The following B3GALT2 variants were observed in gnomAD, a reference collection of about 807,000 sequenced individuals.
B3GALT2 encodes UDP-Gal:betaGlcNAc beta 1,3-galactosyltransferase, polypeptide 2.
B3GALT2 carries 13 observed loss-of-function variants against 33.5 expected under a neutral mutation model. That is an observed-to-expected ratio of 0.39 (90% CI 0.25 to 0.62). The LOEUF is 0.62. Among genes scored for constraint, B3GALT2 ranks in the 20% least tolerant of loss-of-function variants. The pLI, the probability that B3GALT2 is intolerant of heterozygous loss-of-function variation, is 0.53. For synonymous variants in B3GALT2, 195 were observed against 172.7 expected (o/e 1.13, Z -1.01); for missense variants, 418 against 509.1 (o/e 0.82, Z 1.72).
chr1:193,185,989 A>G (rs1676799620), intron 1 of B3GALT2, 30 bp downstream of exon 1: 1 of 152,244 alleles, frequency 6.6e-6, no homozygotes, highest in Admixed American at 6.6e-5. Context: ...ACACATTTAA[A>G]TGACTATCAT....
At position 193,181,297 on chromosome 1, in the gene B3GALT2, T is replaced by C. The variant is rs201995399; in HGVS notation, c.266A>G (p.Gln89Arg). ...LRNIWKETVP[Q>R]TLRPQTATNS... ...AGTTGCTGTTTGAGGCCTCAGGGTT[T>C]GAGGGACTGTTTCTTTCCAAATGTT... The change falls in exon 2 of 2, where the codon CAA (glutamine) becomes CGA (arginine). Residue 89 changes from glutamine to arginine, a missense_variant. By Grantham distance (43) the Gln-to-Arg change is conservative (BLOSUM62 1). Around this residue, in one of 3 missense-constraint regions of B3GALT2, gnomAD observed 188 missense variants for 197.5 expected, o/e 0.95. Coordinates refer to ENST00000367434, the MANE Select transcript of B3GALT2 (RefSeq NM_003783.3). The C allele has an allele frequency of 2.7e-5, 43 of 1,613,978 alleles. No homozygotes were observed. Among genetic ancestry groups the C allele is most frequent in the Non-Finnish European group, 3.6e-5 (42 of 1,179,972 alleles).
In B3GALT2 at chr1:193,180,340, G is replaced by T. The variant is rs1400899953; in HGVS notation, c.1223C>A (p.Ala408Glu). 3 of 1,598,680 alleles carry T rather than the reference G, an allele frequency of 1.9e-6. No individual in the cohort carries two copies. Among genetic ancestry groups the T allele is most frequent in the Admixed American group, 1.7e-5 (1 of 57,912 alleles). The change falls in exon 2 of 2, where the codon GCA (alanine) becomes GAA (glutamate). Residue 408 changes from alanine (A) to glutamate (E), a missense_variant. Ala to Glu is a moderately radical substitution (Grantham distance 107). Transcript: ENST00000367434. The stretch of plus-strand genomic sequence containing the variant: ...ATACCTGCCTGCCTTTTCTTTTGCT[G>T]CGTTGGCACAGGCATTGTGCTTATT... ...QQNKHNACANAAKEKAGRYRH... is the reference protein window; with the variant it reads ...QQNKHNACANEAKEKAGRYRH...
rs185327319 is a variant in B3GALT2, at chr1:193,180,047, G to T, written c.*247C>A. 369 of 305,230 alleles carry T rather than the reference G, an allele frequency of 1.2e-3. 2 individuals are homozygous for T. Among genetic ancestry groups the T allele is most frequent in the African/African-American group, 7.5e-3 (349 of 46,474 alleles). The allele number at this position is 305,230 out of a possible 1,614,324, so 18.9% of individuals were successfully genotyped here. ...TTGAACCATTGATTTATGCATGCTTGTTATTGCATGTTAATACACAGAATC... is the reference window on the plus strand; with the variant it reads ...TTGAACCATTGATTTATGCATGCTTTTTATTGCATGTTAATACACAGAATC... On this transcript the variant is annotated 3_prime_UTR_variant, in exon 2 of 2. Transcript: ENST00000367434.
At position 193,180,522 on chromosome 1, in the gene B3GALT2, A is replaced by G. The variant is rs576560774; in HGVS notation, c.1041T>C (p.Cys347=). Residue 347 remains cysteine (C), a synonymous_variant, in exon 2 of 2, where the codon TGT becomes TGC. Transcript: ENST00000367434. ...CAGGATCAATTCTCAACTTGGCAAG[A>G]CAGATCCCTACATATACATCTTCCA... ...LHLEDVYVGI[C]LAKLRIDPVP... 176 of 1,614,114 alleles carry G rather than the reference A, an allele frequency of 1.1e-4. 2 individuals carry two copies. The South Asian group carries it at 1.8e-3, about 17-fold the overall frequency.
rs1397080529 is a variant in B3GALT2, at chr1:193,181,660, A to G, written c.-98T>C. ...TTGGCAATCATTTTCTAATTCAGTCACATTGTCTCTCTTGTAGTCATTCTA... is the reference window on the plus strand; with the variant it reads ...TTGGCAATCATTTTCTAATTCAGTCGCATTGTCTCTCTTGTAGTCATTCTA... On this transcript the variant is annotated 5_prime_UTR_variant, in exon 2 of 2. It removes the in-frame stop codon of an upstream open reading frame in the 5' UTR. Transcript: ENST00000367434. 1 of 1,142,246 alleles carries G rather than the reference A, an allele frequency of 8.8e-7. No homozygotes were observed. The highest frequency in any genetic ancestry group is 1.6e-5 in the African/African-American group (1 of 63,944). The allele number at this position is 1,142,246 out of a possible 1,614,324, so 70.8% of individuals were successfully genotyped here. A position where few individuals can be genotyped will look rare whatever the true frequency, so the allele number is the denominator to read the frequency against.
chr1:193,182,264 A>G (rs1431165697), intron 1 of B3GALT2, among the ~76,000 whole-genome samples: 1 of 152,104 alleles, frequency 6.6e-6, no homozygotes, highest in Non-Finnish European at 1.5e-5. Flanking sequence ...GTCAAAATTA[A>G]TTTTCAGGGT....
Position 193,179,272 on chromosome 1 carries a change from G to T in B3GALT2, c.*1022C>A, listed in dbSNP as rs1363684292. 1 of 152,160 alleles carries T rather than the reference G, an allele frequency of 6.6e-6. No individual in the cohort carries two copies. Among genetic ancestry groups the T allele is most frequent in the Non-Finnish European group, 1.5e-5 (1 of 68,012 alleles). 9.4% of individuals were successfully genotyped at this position (152,160 alleles called of 1,614,324 possible). A position where few individuals can be genotyped will look rare whatever the true frequency, so the allele number is the denominator to read the frequency against. On this transcript the variant is annotated 3_prime_UTR_variant, in exon 2 of 2. Coordinates refer to ENST00000367434, the MANE Select transcript of B3GALT2 (RefSeq NM_003783.3). ...GGTGCCATAAAATGATTAAGTGTTG[G>T]CATGTGTACACCTGCTGTCAGGAAA...
chr1:193,180,652 G>C lies in B3GALT2; in HGVS notation c.911C>G (p.Pro304Arg). 1 of 1,614,104 alleles carries C rather than the reference G, an allele frequency of 6.2e-7. No homozygotes were observed. ...SKWYMPPDLY[P>R]SERYPVFCSG... The stretch of plus-strand genomic sequence containing the variant: ...ACAGAAGACAGGATAACGCTCACTT[G>C]GGTAGAGGTCTGGTGGCATGTACCA... The change falls in exon 2 of 2, where the codon CCA (proline) becomes CGA (arginine). Residue 304 changes from proline to arginine, a missense_variant. Pro to Arg is a moderately radical substitution (Grantham distance 103, BLOSUM62 -2). Transcript: ENST00000367434.
chr1:193,184,730 T>G (rs535027627), intron 1 of B3GALT2, among the ~76,000 whole-genome samples: 40 of 151,982 alleles, frequency 2.6e-4, no homozygotes, highest in Non-Finnish European at 4.9e-4. Flanking sequence ...ACTTGAAATT[T>G]TTACAACCAT....
chr1:193,184,161 G>A (rs1338947795), intron 1 of B3GALT2, among the ~76,000 whole-genome samples: 1 of 151,814 alleles, frequency 6.6e-6, no homozygotes, highest in African/African-American at 2.4e-5. Context: ...TGTTTTAGAT[G>A]TTAAGCTGTT....
In B3GALT2 at chr1:193,184,267, G is replaced by A. The variant is rs140002905; in HGVS notation, c.-121+1752C>T. On this transcript the variant is annotated intron_variant, in intron 1 of 1. Transcript: ENST00000367434. The stretch of plus-strand genomic sequence containing the variant: ...AAATTCCTTATTAAAAGATTCTCAG[G>A]TCTTATAAATTTTTTTGTTAAAAAG... Among the ~76,000 whole-genome samples the A allele has an allele frequency of 9.5e-3, 1,437 of 151,794 alleles. 15 individuals carry two copies. The highest frequency in any genetic ancestry group is 0.034 in the South Asian group (164 of 4,832).
At chr1:193,185,610 C>G (rs1223466801) in intron 1 of B3GALT2, among the ~76,000 whole-genome samples, 1 of 151,812 alleles carries the variant, frequency 6.6e-6, no homozygotes, top group Non-Finnish European at 1.5e-5. Flanking sequence ...AATGAAATTT[C>G]ACTGCATTGT....
rs553383054 is a variant in B3GALT2, at chr1:193,185,349, C to T, written c.-121+670G>A. Among the ~76,000 whole-genome samples the T allele has an allele frequency of 4.6e-5, 7 of 152,094 alleles. No individual in the cohort carries two copies. The South Asian group carries it at 8.3e-4, about 18-fold the overall frequency. On this transcript the variant is annotated intron_variant, in intron 1 of 1. Transcript: ENST00000367434. Reference sequence around the variant, plus strand: ...TCTATTCATGGTCACTATAATAACACGAGGCTCTATTGTGGGGTTATGCAT... The same window carrying T: ...TCTATTCATGGTCACTATAATAACATGAGGCTCTATTGTGGGGTTATGCAT...
intron 1 of B3GALT2, among the ~76,000 whole-genome samples, chr1:193,182,364 A>G (rs1278015822): frequency 2.0e-5 from 3 of 152,198 alleles, no homozygotes; most frequent in South Asian, 4.1e-4. Flanking sequence ...TGAAGTATTC[A>G]TGATATAATT....
Position 193,180,647 on chromosome 1 carries a change from C to T in B3GALT2, c.916G>A (p.Glu306Lys). Residue 306 changes from glutamate to lysine, a missense_variant, in exon 2 of 2, where the codon GAG (glutamate) becomes AAG (lysine). Transcript: ENST00000367434. ...CCAGAACAGAAGACAGGATAACGCT[C>T]ACTTGGGTAGAGGTCTGGTGGCATG... ...WYMPPDLYPS[E>K]RYPVFCSGTG... is the part of the protein sequence containing the mutation. 6.2e-7 allele frequency: 1 copy of T among 1,614,114 alleles called. No homozygotes were observed. The highest frequency in any genetic ancestry group is 8.5e-7 in the Non-Finnish European group (1 of 1,179,976).
Position 193,181,159 on chromosome 1 carries a change from T to C in B3GALT2, c.404A>G (p.His135Arg), listed in dbSNP as rs1676707972. Residue 135 changes from histidine (H) to arginine (R), a missense_variant, in exon 2 of 2, where the codon CAT becomes CGT. Physicochemically the swap from His to Arg is conservative, Grantham distance 29. Coordinates refer to ENST00000367434, the MANE Select transcript of B3GALT2 (RefSeq NM_003783.3). ...EKGTGHPNSY[H>R]FKYIINEPEK... is the part of the protein sequence containing the mutation. ...AGGCTCATTAATAATATATTTGAAATGGTAAGAATTTGGATGTCCAGTACC... is the reference window on the plus strand; with the variant it reads ...AGGCTCATTAATAATATATTTGAAACGGTAAGAATTTGGATGTCCAGTACC... 5.0e-6 allele frequency: 8 copies of C among 1,613,948 alleles called. No individual in the cohort carries two copies. The highest frequency in any genetic ancestry group is 1.6e-4 in the Middle Eastern group (1 of 6,062).
intron 1 of B3GALT2, among the ~76,000 whole-genome samples, chr1:193,182,934 GA>G (rs1676742052): frequency 6.6e-6 from 1 of 151,904 alleles, no homozygotes; most frequent in Non-Finnish European, 1.5e-5. Context: ...TTAAGCAAAA[GA>G]AATCAATTAA....
At chr1:193,184,011 C>G (rs1448957910) in intron 1 of B3GALT2, among the ~76,000 whole-genome samples, 5 of 151,692 alleles carry the variant, frequency 3.3e-5, no homozygotes, top group Admixed American at 3.3e-4. Flanking sequence ...GAAGATGTCT[C>G]TAAAGTATTT....
chr1:193,185,563 G>GA lies in B3GALT2; in HGVS notation c.-121+455dup, dbSNP rs200283970. Among the ~76,000 whole-genome samples, 292 of 150,072 alleles carry GA rather than the reference G, an allele frequency of 1.9e-3. 2 individuals are homozygous for GA. The highest frequency in any genetic ancestry group is 2.4e-3 in the Non-Finnish European group (162 of 67,314). On this transcript the variant is annotated intron_variant, in intron 1 of 1. Transcript: ENST00000367434. ...TAAGGTTTTGTTTTAAAAGGACTTTGAAAAAAAAACTCTTAAGGTTTTCCT... is the reference window on the plus strand; with the variant it reads ...TAAGGTTTTGTTTTAAAAGGACTTTGAAAAAAAAAACTCTTAAGGTTTTCCT...
Sources: gnomAD v4.1 joint callset for allele counts (sites outside exome capture counted in the v4.1 genomes callset) on GRCh38, gnomAD v4.1.1 for gene constraint, gnomAD v4.1.1 regional missense constraint, MANE v1.5 for transcripts, NCBI Gene and HGNC (gene_info 2026-07-23, HGNC 2026-07-21) for gene names.